CELF2: variants seen among roughly 807,000 people sequenced by gnomAD.
The protein encoded by CELF2 is CUGBP Elav-like family member 2.
Under a neutral mutation model 62.6 loss-of-function variants are expected in CELF2, and 8 were observed. The observed-to-expected ratio is 0.13, with a 90% CI of 0.07 to 0.23. The LOEUF is 0.23. CELF2 is among the 10% of genes least tolerant of loss of function. The pLI is 1.00. For missense variants in CELF2, 333 were observed against 671.0 expected (o/e 0.50, Z 5.56); for synonymous variants, 258 against 250.0 (o/e 1.03, Z -0.30).
Position 10,806,013 on chromosome 10 carries a change from C to A in CELF2, c.53+7196C>A, listed in dbSNP as rs180851128. ...AAACTCAGTGTCTGAGGCCAGAGGA[C>A]AGTCAGTTGAGAAGATCTCTGGACA... On this transcript the variant is annotated intron_variant, in intron 1 of 13. Coordinates refer to the CELF2 transcript ENST00000636488. Among the ~76,000 whole-genome samples, 154 of 152,252 alleles carry A rather than the reference C, an allele frequency of 1.0e-3. 1 individual carries two copies. The highest frequency in any genetic ancestry group is 3.1e-4 in the Non-Finnish European group (21 of 68,026).
At chr10:11,274,274 G>A (rs2085103556) in intron 7 of CELF2, among the ~76,000 whole-genome samples, 1 of 152,144 alleles carries the variant, frequency 6.6e-6, no homozygotes, top group Non-Finnish European at 1.5e-5. Flanking sequence ...GTTAAGCTGC[G>A]GTTCAGCTGA....
In CELF2 at chr10:11,119,847, G is replaced by T. The variant is rs186490089; in HGVS notation, c.75-45639G>T. 4.3e-4 allele frequency among the ~76,000 whole-genome samples: 64 copies of T among 147,674 alleles called. 1 individual carries two copies. Among genetic ancestry groups the T allele is most frequent in the African/African-American group, 1.6e-3 (62 of 39,570 alleles). On this transcript the variant is annotated intron_variant, in intron 1 of 12. Coordinates refer to ENST00000633077, the MANE Select transcript of CELF2 (RefSeq NM_001326342.2). ...TCCTAAGGGCACTGTTTATTTGCCT[G>T]GCTGCTTGATTCCGCCTCCCCCCCC...
Position 10,979,197 on chromosome 10 carries a change from G to C in CELF2, c.89+59198G>C, listed in dbSNP as rs145230988. Among the ~76,000 whole-genome samples the C allele has an allele frequency of 9.2e-5, 14 of 152,280 alleles. No homozygotes were observed. In the East Asian group the frequency reaches 2.5e-3, roughly 27 times the overall value. On this transcript the variant is annotated intron_variant, in intron 2 of 13. Transcript: ENST00000636488. ...GCCCCTCCCACACACCCACGTTTAT[G>C]TATCAGGAGCGGTAACATTTCTATT...
chr10:10,660,817 C>T, the CELF2 span, among the ~76,000 whole-genome samples: 3 of 152,194 alleles, frequency 2.0e-5, no homozygotes, highest in African/African-American at 7.2e-5. Context: ...AATCAACAAT[C>T]TTTCTCTATC....
chr10:10,474,178 C>T, the CELF2 span, among the ~76,000 whole-genome samples: 2 of 151,970 alleles, frequency 1.3e-5, no homozygotes, highest in African/African-American at 4.8e-5. Context: ...AGCAGTGGCT[C>T]ATGCTTGTAA....
chr10:11,197,074 A>AGAAAG (rs1565234615), intron 2 of CELF2, among the ~76,000 whole-genome samples: 9 of 141,578 alleles, frequency 6.4e-5, no homozygotes, highest in East Asian at 4.2e-4. Context: ...AAGAAAGGAA[A>AGAAAG]GAAAGAAAGA....
At chr10:11,232,354 T>C (rs548705990) in intron 3 of CELF2, among the ~76,000 whole-genome samples, 4 of 152,354 alleles carry the variant, frequency 2.6e-5, no homozygotes, top group Non-Finnish European at 5.9e-5. Context: ...TGGAGACTCA[T>C]AAGCCTCATT....
chr10:11,135,941 G>A (rs1365591358), intron 1 of CELF2, among the ~76,000 whole-genome samples: 1 of 152,146 alleles, frequency 6.6e-6, no homozygotes, highest in Non-Finnish European at 1.5e-5. Flanking sequence ...TTGGCAGTTG[G>A]ACCACACTCA....
chr10:10,515,620 C>T, the CELF2 span, among the ~76,000 whole-genome samples: 1 of 152,114 alleles, frequency 6.6e-6, no homozygotes, highest in Non-Finnish European at 1.5e-5. Flanking sequence ...CCCGTTAACG[C>T]CACTTGAAAC....
the CELF2 span, among the ~76,000 whole-genome samples, chr10:10,787,226 T>TCACACACACACACACACACA: frequency 5.6e-5 from 8 of 143,878 alleles, no homozygotes; most frequent in African/African-American, 1.8e-4. Context: ...AGGTTTGATG[T>TCACACACACACACACACACA]CACACACACA....
intron 2 of CELF2, among the ~76,000 whole-genome samples, chr10:10,939,729 C>T (rs757881820): frequency 4.6e-5 from 7 of 151,954 alleles, no homozygotes; most frequent in East Asian, 2.0e-4. Flanking sequence ...CCGAGGCGGA[C>T]GGATCACGAG....
intron 8 of CELF2, among the ~76,000 whole-genome samples, chr10:11,287,463 C>G (rs2091622468): frequency 6.6e-6 from 1 of 152,232 alleles, no homozygotes; most frequent in Non-Finnish European, 1.5e-5. Flanking sequence ...CCCCAAATCT[C>G]TCAGCTAATC....
At chr10:10,577,367 A>C in the CELF2 span, among the ~76,000 whole-genome samples, 3 of 137,056 alleles carry the variant, frequency 2.2e-5, no homozygotes, top group African/African-American at 9.1e-5. Context: ...AAATCTTTTT[A>C]TTATTATTAT....
At chr10:10,498,566 C>G in the CELF2 span, among the ~76,000 whole-genome samples, 1 of 152,202 alleles carries the variant, frequency 6.6e-6, no homozygotes, top group African/African-American at 2.4e-5. Context: ...TAGAGTCCAT[C>G]ACGCATGCCT....
chr10:11,017,113 T>C (rs1463946917), upstream of CELF2, among the ~76,000 whole-genome samples: 1 of 152,244 alleles, frequency 6.6e-6, no homozygotes, highest in Non-Finnish European at 1.5e-5. The surrounding 1 kb of genome is among the most constrained non-coding windows in gnomAD (Gnocchi z 5.5). Context: ...CCAGCTTCTC[T>C]GTTTTTTCTG....
At chr10:10,640,670 T>TTGGA in the CELF2 span, among the ~76,000 whole-genome samples, 1 of 152,206 alleles carries the variant, frequency 6.6e-6, no homozygotes, top group Non-Finnish European at 1.5e-5. Context: ...TAAATATTTG[T>TTGGA]TGGATGGATG....
At chr10:10,813,573 G>A (rs1389155273) in intron 1 of CELF2, among the ~76,000 whole-genome samples, 1 of 152,132 alleles carries the variant, frequency 6.6e-6, no homozygotes, top group East Asian at 1.9e-4. Flanking sequence ...GTCCTTCCTT[G>A]GCTGCCATTA....
Position 11,329,949 on chromosome 10 carries a change from GA to G in CELF2, c.*898del, listed in dbSNP as rs2095956644. On this transcript the variant is annotated 3_prime_UTR_variant, in exon 13 of 13. Transcript: ENST00000633077. This position sits in a 1 kb window ranked among gnomAD's most constrained non-coding sequence, Gnocchi z 5.5. ...AATTTTTACTGCCTCAGAAATAATGGAAGTTATTTATTGCCTATTGTTAACT... is the reference window on the plus strand; with the variant it reads ...AATTTTTACTGCCTCAGAAATAATGGAGTTATTTATTGCCTATTGTTAACT... 6.6e-6 allele frequency: 1 copy of G among 152,512 alleles called. No individual in the cohort carries two copies. Among genetic ancestry groups the G allele is most frequent in the Non-Finnish European group, 1.5e-5 (1 of 68,022 alleles). 9.4% of individuals were successfully genotyped at this position (152,512 alleles called of 1,614,324 possible). A position where few individuals can be genotyped will look rare whatever the true frequency, so the allele number is the denominator to read the frequency against.
At chr10:11,221,277 C>T (rs1321460352) in intron 3 of CELF2, among the ~76,000 whole-genome samples, 1 of 152,222 alleles carries the variant, frequency 6.6e-6, no homozygotes, top group East Asian at 1.9e-4. Flanking sequence ...TATCTAGGCA[C>T]AACCTAACTG....
Sources: gnomAD v4.1 joint callset for allele counts (sites outside exome capture counted in the v4.1 genomes callset) on GRCh38, gnomAD v4.1.1 for gene constraint, Gnocchi (gnomAD v3.1) non-coding constraint, MANE v1.5 for transcripts, NCBI Gene and HGNC (gene_info 2026-07-23, HGNC 2026-07-21) for gene names.